The following TUB variants were observed in gnomAD, a reference collection of about 807,000 sequenced individuals.
TUB encodes tubby protein homolog.
TUB carries 33 observed loss-of-function variants against 59.7 expected under a neutral mutation model. That is an observed-to-expected ratio of 0.55 (90% confidence interval 0.42 to 0.74). The LOEUF is 0.74. Ranked by LOEUF, TUB falls within the 30% of genes least tolerant of loss-of-function variation. The pLI is 0.00. For missense variants in TUB, 659 were observed against 672.0 expected (o/e 0.98, Z 0.21); for synonymous variants, 293 against 256.4 (o/e 1.14, Z -1.36).
At chr11:8,101,068 C>T (rs1364232916) in intron 11 of TUB, 71 bp downstream of exon 11, 2 of 1,539,654 alleles carry the variant, frequency 1.3e-6, no homozygotes, top group African/African-American at 1.4e-5. Context: ...GTTCAGCCCA[C>T]CTAGCCCTGC....
At chr11:8,099,401 CA>C (rs1399047175) in intron 9 of TUB, among the ~76,000 whole-genome samples, 2 of 152,074 alleles carry the variant, frequency 1.3e-5, no homozygotes, top group African/African-American at 4.8e-5. Context: ...TTTTTAAAAT[CA>C]GGGGTGGGTA....
At chr11:8,024,361 A>G (rs1385709267) in intron 1 of TUB, among the ~76,000 whole-genome samples, 3 of 152,034 alleles carry the variant, frequency 2.0e-5, no homozygotes, top group Admixed American at 6.6e-5. Context: ...CGGGCCACCA[A>G]TGCCATCTCT....
At chr11:8,039,719 C>G in intron 2 of TUB, 1 of 1,494,758 alleles carries the variant, frequency 6.7e-7, no homozygotes, top group Non-Finnish European at 8.9e-7. Context: ...GAGGGCGTGC[C>G]GGCCCTGGGA....
intron 2 of TUB, among the ~76,000 whole-genome samples, chr11:8,064,873 G>A (rs575235969): frequency 1.4e-4 from 22 of 152,336 alleles, no homozygotes; most frequent in African/African-American, 2.6e-4. Context: ...AATTTAAATC[G>A]TGGTATCAAA....
Position 8,097,433 on chromosome 11 carries a change from T to G in TUB, c.885+8T>G. 6.2e-7 allele frequency: 1 copy of G among 1,614,186 alleles called. No homozygotes were observed. Among genetic ancestry groups the G allele is most frequent in the Non-Finnish European group, 8.5e-7 (1 of 1,180,024 alleles). The stretch of plus-strand genomic sequence containing the variant: ...CGTGAGGATGGGAAGAAGGTAAGGT[T>G]GGTCTGGGCATGTTATCATCTAGGC... On this transcript the variant is annotated splice_region_variant and intron_variant, in intron 7 of 11. Coordinates refer to ENST00000299506, the MANE Select transcript of TUB (RefSeq NM_177972.3).
chr11:8,043,187 C>T (rs1394856980), intron 2 of TUB, among the ~76,000 whole-genome samples: 3 of 152,124 alleles, frequency 2.0e-5, no homozygotes, highest in Non-Finnish European at 2.9e-5. Flanking sequence ...GGTGAAAAAA[C>T]CATTTTACCT....
chr11:8,026,082 A>G (rs1942496529), intron 1 of TUB, among the ~76,000 whole-genome samples: 1 of 152,128 alleles, frequency 6.6e-6, no homozygotes, highest in African/African-American at 2.4e-5. Context: ...GCATCTTTTC[A>G]TGTGCTTATT....
chr11:8,050,689 A>T (rs369248730), intron 2 of TUB, among the ~76,000 whole-genome samples: 7 of 152,366 alleles, frequency 4.6e-5, no homozygotes, highest in African/African-American at 1.7e-4. Context: ...TTCCATAAAT[A>T]AAACGGCCTG....
chr11:8,101,559 T>C lies in TUB; in HGVS notation c.1461T>C (p.Cys487=). ...VFTMDYNYPL[C]ALQAFAIALS... ...CCATGGATTACAACTACCCGCTGTG[T>C]GCACTGCAGGCCTTTGCCATTGCCC... The change falls in exon 12 of 12, where the codon TGT becomes TGC. Residue 487 remains cysteine (C), a synonymous_variant. Coordinates refer to ENST00000299506, the MANE Select transcript of TUB (RefSeq NM_177972.3). 1 of 1,614,254 alleles carries C rather than the reference T, an allele frequency of 6.2e-7. No homozygotes were observed. Among genetic ancestry groups the C allele is most frequent in the South Asian group, 1.1e-5 (1 of 91,084 alleles).
At chr11:8,026,060 T>G (rs1942496194) in intron 1 of TUB, among the ~76,000 whole-genome samples, 1 of 152,256 alleles carries the variant, frequency 6.6e-6, no homozygotes, top group Non-Finnish European at 1.5e-5. Flanking sequence ...CCTTGATGAC[T>G]AATGATGTCG....
Position 8,101,619 on chromosome 11 carries a change from G to A in TUB, c.1521G>A (p.Ter507=). The A allele has an allele frequency of 6.2e-7, 1 of 1,614,188 alleles. No individual in the cohort carries two copies. The highest frequency in any genetic ancestry group is 8.5e-7 in the Non-Finnish European group (1 of 1,180,008). ...TCGACAGCAAGCTGGCGTGCGAGTA[G>A]AGGCCTCTTCGTGCCCTTTGGGGTT... ...SSFDSKLACE[*] The change falls in exon 12 of 12, where the codon TAG becomes TAA. Residue 507 remains the stop codon, a stop_retained_variant. Coordinates refer to ENST00000299506, the MANE Select transcript of TUB (RefSeq NM_177972.3).
chr11:8,027,040 T>C (rs1942509193), intron 1 of TUB, among the ~76,000 whole-genome samples: 1 of 152,206 alleles, frequency 6.6e-6, no homozygotes, highest in South Asian at 2.1e-4. Context: ...TATAAAAGGG[T>C]TTATAAAATT....
chr11:8,055,075 G>A (rs1378358163), intron 2 of TUB, among the ~76,000 whole-genome samples: 1 of 152,154 alleles, frequency 6.6e-6, no homozygotes, highest in South Asian at 2.1e-4. Flanking sequence ...AGAGGAGAGG[G>A]TTTACTGTAA....
At position 8,102,046 on chromosome 11, in the gene TUB, TA is replaced by T. The variant is rs960744657; in HGVS notation, c.*428del. 2.1e-5 allele frequency: 4 copies of T among 186,372 alleles called. No individual in the cohort carries two copies. Among genetic ancestry groups the T allele is most frequent in the African/African-American group, 9.3e-5 (4 of 42,854 alleles). The allele number at this position is 186,372 out of a possible 1,614,324, so 11.5% of individuals were successfully genotyped here. On this transcript the variant is annotated 3_prime_UTR_variant, in exon 12 of 12. Coordinates refer to ENST00000299506, the MANE Select transcript of TUB (RefSeq NM_177972.3). ...AGATGGCAATGGGTACTCCAGCAGG[TA>T]GGGGCACAGTGAATGTGTGTATGTA...
chr11:8,035,288 C>T (rs1352390964), upstream of TUB, among the ~76,000 whole-genome samples: 4 of 152,256 alleles, frequency 2.6e-5, no homozygotes, highest in African/African-American at 9.6e-5. Flanking sequence ...TACCCTAACT[C>T]CAGTCTTGTT....
chr11:8,100,309 A>C (rs1023076398), intron 9 of TUB, among the ~76,000 whole-genome samples, 194 bp from the exon 10 acceptor site: 1 of 152,196 alleles, frequency 6.6e-6, no homozygotes, highest in Non-Finnish European at 1.5e-5. Flanking sequence ...AGGATGACGC[A>C]TAAGAGGAGC....
chr11:8,100,350 C>T (rs1168585425), intron 9 of TUB, among the ~76,000 whole-genome samples, 153 bp from the exon 10 acceptor site: 1 of 152,066 alleles, frequency 6.6e-6, no homozygotes, highest in Non-Finnish European at 1.5e-5. Flanking sequence ...CCCAGGGGCT[C>T]AGTTCTGGCC....
chr11:8,039,577 G>C, intron 1 of TUB: 1 of 1,354,314 alleles, frequency 7.4e-7, no homozygotes, highest in Non-Finnish European at 9.7e-7. Flanking sequence ...GTGTGGCCAG[G>C]CAGCAGGCAG....
chr11:8,090,929 T>G (rs946803512), intron 3 of TUB, among the ~76,000 whole-genome samples: 5 of 152,052 alleles, frequency 3.3e-5, no homozygotes, highest in African/African-American at 4.8e-5. Flanking sequence ...GTCTCTGAGC[T>G]TGAAAGGAGG....
Sources: allele counts gnomAD v4.1 joint callset (sites outside exome capture counted in the v4.1 genomes callset), GRCh38; gene constraint gnomAD v4.1.1; transcripts MANE v1.5; gene names NCBI Gene and HGNC (gene_info 2026-07-23, HGNC 2026-07-21).